The following CNTNAP2 variants were observed in gnomAD, a reference collection of about 807,000 sequenced individuals.
CNTNAP2 encodes the protein contactin associated protein 2.
CNTNAP2 carries 98 observed loss-of-function variants against 155.2 expected under a neutral mutation model. That is an observed-to-expected ratio of 0.63 (90% CI 0.54 to 0.75). The LOEUF is 0.75. Ranked by LOEUF, CNTNAP2 falls within the 30% of genes least tolerant of loss-of-function variation. The pLI is 0.00. For missense variants in CNTNAP2, 1,727 were observed against 1,688.1 expected, an observed-to-expected ratio of 1.02 and a Z score of -0.40; for synonymous variants, 651 against 631.2, an observed-to-expected ratio of 1.03 and a Z score of -0.47.
At chr7:147,385,894 G>T (rs1796617981) in intron 9 of CNTNAP2, among the ~76,000 whole-genome samples, 1 of 152,216 alleles carries the variant, frequency 6.6e-6, no homozygotes, top group East Asian at 1.9e-4. Context: ...GGCTCTTCAT[G>T]AGGGTCCCAT....
At chr7:146,856,921 A>G (rs1332078826) in intron 3 of CNTNAP2, among the ~76,000 whole-genome samples, 1 of 152,180 alleles carries the variant, frequency 6.6e-6, no homozygotes, top group Non-Finnish European at 1.5e-5. Context: ...AATTAAAGGG[A>G]CATGATACCT....
intron 1 of CNTNAP2, among the ~76,000 whole-genome samples, chr7:146,170,399 A>T (rs915160320): frequency 9.9e-5 from 15 of 152,094 alleles, no homozygotes; most frequent in African/African-American, 3.4e-4. Context: ...TTCCAACCGA[A>T]GGGCACAAGG....
At chr7:147,370,569 G>T (rs1796324602) in intron 9 of CNTNAP2, among the ~76,000 whole-genome samples, 3 of 152,122 alleles carry the variant, frequency 2.0e-5, no homozygotes, top group African/African-American at 4.8e-5. Context: ...TGTTTTTAGG[G>T]TTTATTTTGT....
intron 8 of CNTNAP2, among the ~76,000 whole-genome samples, chr7:147,176,748 A>AATATATAATTATAATTATATAGAATT (rs1802350962): frequency 4.2e-5 from 4 of 94,520 alleles, no homozygotes; most frequent in African/African-American, 2.3e-4. Flanking sequence ...TTATAATTAT[A>AATATATAATTATAATTATATAGAATT]ATATATAATT....
At chr7:148,248,817 G>T (rs1263029861) in intron 20 of CNTNAP2, among the ~76,000 whole-genome samples, 1 of 152,074 alleles carries the variant, frequency 6.6e-6, no homozygotes, top group African/African-American at 2.4e-5. Context: ...GTTTTTTGAT[G>T]TAATATTCCC....
chr7:147,205,927 G>A (rs1197514546), intron 8 of CNTNAP2, among the ~76,000 whole-genome samples: 1 of 152,036 alleles, frequency 6.6e-6, no homozygotes, highest in Non-Finnish European at 1.5e-5. Context: ...AATAATAAAT[G>A]CTTGACATGA....
intron 10 of CNTNAP2, among the ~76,000 whole-genome samples, chr7:147,416,202 A>G (rs1310503605): frequency 6.6e-6 from 1 of 152,168 alleles, no homozygotes; most frequent in African/African-American, 2.4e-5. Flanking sequence ...TTCAATTACA[A>G]TCAGTTTCTC....
At chr7:147,689,308 C>A (rs1050292463) in intron 13 of CNTNAP2, among the ~76,000 whole-genome samples, 5 of 151,928 alleles carry the variant, frequency 3.3e-5, no homozygotes, top group Admixed American at 1.3e-4. Flanking sequence ...CACCACCAAG[C>A]CCAGTTAATT....
chr7:146,571,719 A>G lies in CNTNAP2; in HGVS notation c.98-202552A>G, dbSNP rs890719949. ...TGCATAGGCATTTAAACATTTAAAAACTTTTCTTTTCTTTCTTTTTTTTTT... is the reference window on the plus strand; with the variant it reads ...TGCATAGGCATTTAAACATTTAAAAGCTTTTCTTTTCTTTCTTTTTTTTTT... On this transcript the variant is annotated intron_variant, in intron 1 of 23. Transcript: ENST00000361727. 4.9e-5 allele frequency among the ~76,000 whole-genome samples: 7 copies of G among 142,500 alleles called. No homozygotes were observed. The East Asian group carries it at 1.2e-3, about 25-fold the overall frequency. The allele number at this position is 142,500 out of a possible 152,430, so 93.5% of individuals were successfully genotyped here.
intron 8 of CNTNAP2, among the ~76,000 whole-genome samples, chr7:147,210,108 A>G (rs1272287067): frequency 6.6e-6 from 1 of 152,024 alleles, no homozygotes; most frequent in Admixed American, 6.6e-5. Context: ...CTAGCTTTGT[A>G]CAGTGAGTTA....
intron 1 of CNTNAP2, among the ~76,000 whole-genome samples, chr7:146,765,746 T>A (rs1162285274): frequency 1.3e-5 from 2 of 152,146 alleles, no homozygotes; most frequent in Admixed American, 1.3e-4. Context: ...AATGTCTCAA[T>A]GAAGACAGAA....
intron 2 of CNTNAP2, among the ~76,000 whole-genome samples, chr7:146,793,003 C>T (rs59798010): frequency 2.3e-3 from 343 of 152,056 alleles, no homozygotes; most frequent in African/African-American, 7.9e-3. Context: ...TAAAAAGAAA[C>T]AGGTGAAATA....
intron 3 of CNTNAP2, among the ~76,000 whole-genome samples, chr7:146,890,291 T>G (rs1795749952): frequency 6.6e-6 from 1 of 152,220 alleles, no homozygotes; most frequent in Non-Finnish European, 1.5e-5. Flanking sequence ...AGTAGTCAGT[T>G]GAAGCTGGTA....
intron 13 of CNTNAP2, among the ~76,000 whole-genome samples, chr7:147,886,318 C>A (rs1361159474): frequency 6.6e-6 from 1 of 151,430 alleles, no homozygotes; most frequent in African/African-American, 2.4e-5. Context: ...AATAAAAATA[C>A]AAAAAAATTA....
In CNTNAP2 at chr7:148,383,822, T is replaced by G; in HGVS notation, c.3649T>G (p.Ser1217Ala). ...GELVESNCGA[S>A]PLTLSPMSSA... ...GCTGGTGGAGTCCAACTGCGGGGCC[T>G]CGCCGCTGACCCTCTCCCCCATGTC... The change falls in exon 22 of 24, where the codon TCG becomes GCG. Residue 1217 changes from serine (S) to alanine (A), a missense_variant. Coordinates refer to ENST00000361727, the MANE Select transcript of CNTNAP2 (RefSeq NM_014141.6). 1 of 1,614,098 alleles carries G rather than the reference T, an allele frequency of 6.2e-7. No individual in the cohort carries two copies. Among genetic ancestry groups the G allele is most frequent in the Non-Finnish European group, 8.5e-7 (1 of 1,180,030 alleles).
chr7:148,049,033 G>T (rs772607958), intron 15 of CNTNAP2, among the ~76,000 whole-genome samples: 1 of 152,106 alleles, frequency 6.6e-6, no homozygotes, highest in Non-Finnish European at 1.5e-5. Flanking sequence ...CCAACATGGT[G>T]AAACCCCATC....
chr7:147,950,910 T>G (rs972509051), intron 14 of CNTNAP2, among the ~76,000 whole-genome samples: 2 of 152,226 alleles, frequency 1.3e-5, no homozygotes, highest in African/African-American at 4.8e-5. Context: ...CTTATCTGTC[T>G]CTTCACTTTT....
chr7:146,927,306 G>A (rs972475201), intron 3 of CNTNAP2, among the ~76,000 whole-genome samples: 2 of 152,078 alleles, frequency 1.3e-5, no homozygotes, highest in Admixed American at 6.6e-5. Flanking sequence ...GTTGAAAACT[G>A]TATTTGCTGA....
intron 3 of CNTNAP2, among the ~76,000 whole-genome samples, chr7:146,843,041 T>C (rs1266856187): frequency 3.3e-5 from 3 of 90,222 alleles, no homozygotes; most frequent in African/African-American, 1.0e-4. Flanking sequence ...AGTCTCGCTC[T>C]GTCGCCCAGG....
Sources: allele counts gnomAD v4.1 joint callset (sites outside exome capture counted in the v4.1 genomes callset), GRCh38; gene constraint gnomAD v4.1.1; transcripts MANE v1.5; gene names NCBI Gene and HGNC (gene_info 2026-07-23, HGNC 2026-07-21).